The following ARHGAP31 variants were observed in gnomAD, a reference collection of about 807,000 sequenced individuals.
The protein encoded by ARHGAP31 is Rho GTPase activating protein 31, also known as rho GTPase-activating protein 31.
A neutral mutation model predicts 113.9 loss-of-function variants in ARHGAP31; 34 were observed. That is an observed-to-expected ratio of 0.30 (90% CI 0.23 to 0.40). ARHGAP31 has a LOEUF of 0.40. Among genes scored for constraint, ARHGAP31 ranks in the 10% least tolerant of loss-of-function variants. The pLI, the probability that ARHGAP31 is intolerant of heterozygous loss-of-function variation, is 1.00. For missense variants in ARHGAP31, 1,548 were observed against 1,767.1 expected (o/e 0.88, Z 2.22); for synonymous variants, 650 against 684.8 (o/e 0.95, Z 0.79).
In ARHGAP31 at chr3:119,420,093, A is replaced by T. The variant is rs1048460849; in HGVS notation, c.*3829A>T. 1 of 152,214 alleles carries T rather than the reference A, an allele frequency of 6.6e-6. No homozygotes were observed. The highest frequency in any genetic ancestry group is 1.5e-5 in the Non-Finnish European group (1 of 68,042). 9.4% of individuals were successfully genotyped at this position (152,214 alleles called of 1,614,324 possible). A position where few individuals can be genotyped will look rare whatever the true frequency, so the allele number is the denominator to read the frequency against. ...ACATTTGGCTAAAATTGGATGGGACAGTCATTTGTCTACACAGGCCTTCCA... is the reference window on the plus strand; with the variant it reads ...ACATTTGGCTAAAATTGGATGGGACTGTCATTTGTCTACACAGGCCTTCCA... On this transcript the variant is annotated 3_prime_UTR_variant, in exon 12 of 12. Transcript: ENST00000264245.
chr3:119,341,368 A>G (rs1227742113), intron 1 of ARHGAP31, among the ~76,000 whole-genome samples: 1 of 152,162 alleles, frequency 6.6e-6, no homozygotes, highest in Non-Finnish European at 1.5e-5. Context: ...CTAGTATGTA[A>G]CACTTTTTAT....
chr3:119,403,798 G>T (rs1006949811), intron 10 of ARHGAP31, among the ~76,000 whole-genome samples: 1 of 152,206 alleles, frequency 6.6e-6, no homozygotes, highest in Non-Finnish European at 1.5e-5. Flanking sequence ...TGGGAAGTAT[G>T]TAGGTTTTGG....
chr3:119,330,327 G>C (rs571819326), intron 1 of ARHGAP31, among the ~76,000 whole-genome samples: 35 of 152,312 alleles, frequency 2.3e-4, no homozygotes, highest in African/African-American at 8.4e-4. Context: ...TCAGCTCAGT[G>C]TGCGGGCATC....
At chr3:119,354,607 G>C (rs2080139787) in intron 1 of ARHGAP31, among the ~76,000 whole-genome samples, 1 of 151,420 alleles carries the variant, frequency 6.6e-6, no homozygotes, top group Non-Finnish European at 1.5e-5. Context: ...TGCCTCCTGG[G>C]TTCAAGTGAT....
rs1218256223 is a variant in ARHGAP31, at chr3:119,366,882, A to C, written c.203+1464A>C. On this transcript the variant is annotated intron_variant, in intron 2 of 11. Coordinates refer to ENST00000264245, the MANE Select transcript of ARHGAP31 (RefSeq NM_020754.4). ...TCTGGGAGGCCGAGACGGGTGGATC[A>C]CCTGAGGTCAGGAGTTCGAGACAAG... Among the ~76,000 whole-genome samples, 2 of 152,178 alleles carry C rather than the reference A, an allele frequency of 1.3e-5. 1 individual carries two copies. The highest frequency in any genetic ancestry group is 4.2e-4 in the South Asian group (2 of 4,808).
chr3:119,366,290 C>T (rs200767087), intron 2 of ARHGAP31, among the ~76,000 whole-genome samples: 9 of 151,816 alleles, frequency 5.9e-5, no homozygotes, highest in Admixed American at 5.9e-4. Context: ...AAAAAAAATT[C>T]TTATTACAAG....
chr3:119,383,124 G>C lies in ARHGAP31; in HGVS notation c.580G>C (p.Ala194Pro), dbSNP rs746822864. The C allele has an allele frequency of 1.2e-5, 19 of 1,614,220 alleles. No homozygotes were observed. The highest frequency in any genetic ancestry group is 1.6e-5 in the Non-Finnish European group (19 of 1,180,046). Residue 194 changes from alanine to proline, a missense_variant, in exon 6 of 12, where the codon GCC becomes CCC. By Grantham distance (27) the Ala-to-Pro change is conservative (BLOSUM62 -1). Coordinates refer to ENST00000264245, the MANE Select transcript of ARHGAP31 (RefSeq NM_020754.4). ...AGCCACTGGTTGCAATGGAGATGCA[G>C]CCTTCCTTGCAGTCCGGGTCCAGCA... The part of the protein sequence containing the change: ...IEATGCNGDA[A>P]FLAVRVQQVV...
In ARHGAP31 at chr3:119,414,216, G is replaced by T; in HGVS notation, c.2287G>T (p.Ala763Ser). The change falls in exon 12 of 12, where the codon GCA (alanine) becomes TCA (serine). Residue 763 changes from alanine (A) to serine (S), a missense_variant. By Grantham distance (99) the Ala-to-Ser change is moderately conservative. Coordinates refer to ENST00000264245, the MANE Select transcript of ARHGAP31 (RefSeq NM_020754.4). Reference sequence around the variant, plus strand: ...TCTGGAAATAGTTCCTTTTGAGAAGGCATCTCCACAAGCAACAGTGGAAGT... The same window carrying T: ...TCTGGAAATAGTTCCTTTTGAGAAGTCATCTCCACAAGCAACAGTGGAAGT... Reference protein sequence around the residue: ...APLEIVPFEKASPQATVEVGG... With the variant: ...APLEIVPFEKSSPQATVEVGG... The T allele has an allele frequency of 1.2e-6, 2 of 1,614,176 alleles. No individual in the cohort carries two copies. The highest frequency in any genetic ancestry group is 8.5e-7 in the Non-Finnish European group (1 of 1,180,030).
At chr3:119,328,566 T>C (rs1447824162) in intron 1 of ARHGAP31, among the ~76,000 whole-genome samples, 1 of 152,220 alleles carries the variant, frequency 6.6e-6, no homozygotes, top group Non-Finnish European at 1.5e-5. Flanking sequence ...ACTTTGAAGA[T>C]ACCTATTGTA....
At chr3:119,332,621 TCTCTCTCTCTCTCTCACACACACACACA>T (rs1559969700) in intron 1 of ARHGAP31, among the ~76,000 whole-genome samples, 1 of 117,208 alleles carries the variant, frequency 8.5e-6, no homozygotes, top group African/African-American at 3.9e-5. Flanking sequence ...TCTCTCTCTC[TCTCTCTCTCTCTCTCACACACACACACA>T]CACACACACA....
At chr3:119,371,866 T>G (rs1225766791) in intron 3 of ARHGAP31, among the ~76,000 whole-genome samples, 2 of 152,188 alleles carry the variant, frequency 1.3e-5, no homozygotes, top group Non-Finnish European at 2.9e-5. Context: ...ACTATTTGGT[T>G]TTCTGTTCCT....
At position 119,325,551 on chromosome 3, in the gene ARHGAP31, A is replaced by G. The variant is rs1015605488; in HGVS notation, c.100+30547A>G. Among the ~76,000 whole-genome samples, 6 of 150,688 alleles carry G rather than the reference A, an allele frequency of 4.0e-5. No individual in the cohort carries two copies. The East Asian group carries it at 7.9e-4, about 20-fold the overall frequency. ...AGTCCTGTATTCTGGGAAGGCCTCT[A>G]TGGGCCAGTCCCAGAGCCTTTGAAC... is the stretch of plus-strand genomic sequence containing the variant. On this transcript the variant is annotated intron_variant, in intron 1 of 11. Transcript: ENST00000264245.
intron 1 of ARHGAP31, among the ~76,000 whole-genome samples, chr3:119,309,713 T>A (rs867258906): frequency 6.6e-6 from 1 of 152,122 alleles, no homozygotes; most frequent in Middle Eastern, 3.4e-3. Flanking sequence ...TGAGCTGTGA[T>A]CATGCCACTG....
intron 1 of ARHGAP31, among the ~76,000 whole-genome samples, chr3:119,301,989 A>G (rs1477215726): frequency 1.3e-5 from 2 of 152,228 alleles, no homozygotes; most frequent in African/African-American, 2.4e-5. Context: ...AGGCCCAGGA[A>G]CAGGGAGTTA....
chr3:119,394,779 A>G (rs2080533936), intron 8 of ARHGAP31, among the ~76,000 whole-genome samples: 1 of 152,132 alleles, frequency 6.6e-6, no homozygotes, highest in South Asian at 2.1e-4. Context: ...ACATAGCAAA[A>G]CCACATCTCT....
chr3:119,330,224 T>G (rs9845965), intron 1 of ARHGAP31, among the ~76,000 whole-genome samples: 18,161 of 152,170 alleles, frequency 0.12, 1,676 homozygotes, highest in African/African-American at 0.26. Context: ...ATATCTTTAG[T>G]GAATCAATTC....
At position 119,356,131 on chromosome 3, in the gene ARHGAP31, A is replaced by G. The variant is rs546028506; in HGVS notation, c.101-9185A>G. 3.4e-4 allele frequency among the ~76,000 whole-genome samples: 52 copies of G among 152,332 alleles called. No homozygotes were observed. The South Asian group carries it at 9.3e-3, about 27-fold the overall frequency. On this transcript the variant is annotated intron_variant, in intron 1 of 11. Coordinates refer to ENST00000264245, the MANE Select transcript of ARHGAP31 (RefSeq NM_020754.4). ...GACAATTTTCTTCAGAAAAGGTAAT[A>G]TATTCCTATAGTTCAAAATTCAAAA...
intron 1 of ARHGAP31, among the ~76,000 whole-genome samples, chr3:119,335,932 G>T (rs534124747): frequency 6.6e-6 from 1 of 152,306 alleles, no homozygotes; most frequent in South Asian, 2.1e-4. Context: ...CAGCATTTTG[G>T]GAGGCCAAGG....
intron 1 of ARHGAP31, chr3:119,322,768 C>G (rs1455195879): frequency 1.3e-5 from 2 of 153,438 alleles, no homozygotes; most frequent in Admixed American, 6.5e-5. Flanking sequence ...CCCGGCCGCT[C>G]TGGGCCTGCT....
Sources: allele counts gnomAD v4.1 joint callset (sites outside exome capture counted in the v4.1 genomes callset), GRCh38; gene constraint gnomAD v4.1.1; transcripts MANE v1.5; gene names NCBI Gene and HGNC (gene_info 2026-07-23, HGNC 2026-07-21).